RIC8B: variants seen among roughly 807,000 people sequenced by gnomAD.
The protein encoded by RIC8B is chaperone Ric-8B.
A neutral mutation model predicts 57.5 loss-of-function variants in RIC8B; 16 were observed. The observed-to-expected ratio is 0.28, with a 90% CI of 0.19 to 0.42. The LOEUF (loss-of-function observed/expected upper bound fraction) is 0.42. Among genes scored for constraint, RIC8B ranks in the 10% least tolerant of loss-of-function variants. RIC8B has a pLI of 1.00. For synonymous variants in RIC8B, 216 were observed against 250.8 expected, an observed-to-expected ratio of 0.86 and a Z score of 1.31; for missense variants, 481 against 677.0, an observed-to-expected ratio of 0.71 and a Z score of 3.21.
Position 106,851,436 on chromosome 12 carries a change from A to G in RIC8B, c.1162-14A>G, listed in dbSNP as rs554773760. On this transcript the variant is annotated splice_polypyrimidine_tract_variant and intron_variant, in intron 6 of 9. Transcript: ENST00000392837. ...AGCCTCGATTGATGATGGTTTTTGC[A>G]TTTGTGCCATCAGGTTTTACCACCG... is the stretch of plus-strand genomic sequence containing the variant. 1.5e-5 allele frequency: 24 copies of G among 1,605,894 alleles called. No individual in the cohort carries two copies. The highest frequency in any genetic ancestry group is 1.9e-5 in the Non-Finnish European group (22 of 1,177,478).
intron 3 of RIC8B, among the ~76,000 whole-genome samples, chr12:106,824,635 C>T (rs562469306): frequency 4.0e-4 from 61 of 152,200 alleles, no homozygotes; most frequent in African/African-American, 1.4e-3. Context: ...GTGGCTGGCA[C>T]CTGTAATGCC....
chr12:106,824,888 CAAG>C (rs2046024735), intron 3 of RIC8B, among the ~76,000 whole-genome samples: 1 of 150,708 alleles, frequency 6.6e-6, no homozygotes, highest in Non-Finnish European at 1.5e-5. Flanking sequence ...GCCTAGGCGA[CAAG>C]AGCAAAACTC....
At chr12:106,803,215 C>CAAAAAAAAAAAAAAAAAAAAA (rs55853235) in intron 2 of RIC8B, among the ~76,000 whole-genome samples, 2 of 84,000 alleles carry the variant, frequency 2.4e-5, no homozygotes, top group African/African-American at 9.9e-5. Flanking sequence ...TACCCTGTCT[C>CAAAAAAAAAAAAAAAAAAAAA]AAAAAAAAAA....
At chr12:106,800,901 A>C (rs2044702191) in intron 2 of RIC8B, among the ~76,000 whole-genome samples, 1 of 152,190 alleles carries the variant, frequency 6.6e-6, no homozygotes, top group African/African-American at 2.4e-5. Context: ...TATGAGGTAT[A>C]TGTTATTGTG....
chr12:106,844,305 T>C (rs910734615), intron 6 of RIC8B, among the ~76,000 whole-genome samples: 5 of 152,172 alleles, frequency 3.3e-5, no homozygotes, highest in African/African-American at 1.2e-4. Flanking sequence ...GGAGACACTT[T>C]AAGGGAACAA....
At position 106,887,294 on chromosome 12, in the gene RIC8B, CTGTG is replaced by C. The variant is rs754772882; in HGVS notation, c.*1285_*1288del. The C allele has an allele frequency of 6.6e-6, 1 of 152,538 alleles. No individual in the cohort carries two copies. Among genetic ancestry groups the C allele is most frequent in the Non-Finnish European group, 1.5e-5 (1 of 68,012 alleles). The allele number at this position is 152,538 out of a possible 1,614,324, so 9.4% of individuals were successfully genotyped here. ...ATTGGGGTTGATTCAATTTGGCCAT[CTGTG>C]TGTGTTTCTTTATAGATACATGGGC... On this transcript the variant is annotated 3_prime_UTR_variant, in exon 10 of 10. Transcript: ENST00000392837.
intron 6 of RIC8B, among the ~76,000 whole-genome samples, chr12:106,849,249 A>G (rs1949350261): frequency 6.6e-6 from 1 of 151,830 alleles, no homozygotes; most frequent in Non-Finnish European, 1.5e-5. Context: ...CCTACTATGT[A>G]CCCACAACAA....
At chr12:106,783,877 A>G in intron 1 of RIC8B, 120 bp from the exon 2 acceptor site, 1 of 771,030 alleles carries the variant, frequency 1.3e-6, no homozygotes, top group Non-Finnish European at 2.2e-6. Flanking sequence ...TAATAAGAAT[A>G]TTGAGATACG....
At chr12:106,857,379 C>T (rs570922338) in intron 7 of RIC8B, among the ~76,000 whole-genome samples, 60 of 152,044 alleles carry the variant, frequency 3.9e-4, no homozygotes, top group Non-Finnish European at 8.1e-4. Flanking sequence ...AGAGCAAAAA[C>T]GTATTGCTTT....
intron 2 of RIC8B, among the ~76,000 whole-genome samples, chr12:106,803,215 C>CAA (rs55853235): frequency 1.1e-3 from 89 of 83,308 alleles, no homozygotes; most frequent in African/African-American, 1.6e-3. Context: ...TACCCTGTCT[C>CAA]AAAAAAAAAA....
intron 8 of RIC8B, among the ~76,000 whole-genome samples, chr12:106,860,951 T>G (rs1011369145): frequency 2.0e-5 from 3 of 151,188 alleles, no homozygotes; most frequent in African/African-American, 7.3e-5. Context: ...ACAGATACAT[T>G]AGTGCAATGA....
At chr12:106,788,745 A>C (rs1399058972) in intron 2 of RIC8B, among the ~76,000 whole-genome samples, 2 of 152,162 alleles carry the variant, frequency 1.3e-5, no homozygotes, top group African/African-American at 4.8e-5. Context: ...GCACACAGCC[A>C]GGGACACTGG....
intron 9 of RIC8B, among the ~76,000 whole-genome samples, chr12:106,885,013 T>G (rs1252521755): frequency 6.6e-6 from 1 of 152,176 alleles, no homozygotes; most frequent in Non-Finnish European, 1.5e-5. Context: ...AGGCCACTCT[T>G]AAGTACACTG....
intron 3 of RIC8B, among the ~76,000 whole-genome samples, chr12:106,821,860 C>T (rs977541080): frequency 5.3e-5 from 8 of 151,892 alleles, no homozygotes; most frequent in Non-Finnish European, 1.0e-4. Context: ...AGGCAGATCA[C>T]GAGGTCAGGA....
At chr12:106,784,476 T>C (rs528171938) in intron 2 of RIC8B, among the ~76,000 whole-genome samples, 2 of 152,352 alleles carry the variant, frequency 1.3e-5, no homozygotes, top group South Asian at 2.1e-4. Context: ...GCAGTCCTCC[T>C]GCCTCAGCCT....
At chr12:106,865,034 ACACCTTTTGGTTGT>A in intron 8 of RIC8B, among the ~76,000 whole-genome samples, 1 of 152,314 alleles carries the variant, frequency 6.6e-6, no homozygotes, top group East Asian at 1.9e-4. Context: ...CATTACATAT[ACACCTTTTGGTTGT>A]TGTGAATAAT....
chr12:106,842,550 A>G (rs770536112), intron 4 of RIC8B, 39 bp from the exon 5 acceptor site: 2 of 1,498,010 alleles, frequency 1.3e-6, no homozygotes, highest in African/African-American at 1.4e-5. Context: ...GGACTATTCA[A>G]TCAAGTTAAA....
At chr12:106,860,832 GC>G (rs1949900643) in intron 8 of RIC8B, among the ~76,000 whole-genome samples, 1 of 152,046 alleles carries the variant, frequency 6.6e-6, no homozygotes, top group African/African-American at 2.4e-5. Flanking sequence ...TTGCATAAAA[GC>G]CCTTATAAGT....
At chr12:106,799,899 G>A (rs2136224911) in intron 2 of RIC8B, among the ~76,000 whole-genome samples, 2 of 152,152 alleles carry the variant, frequency 1.3e-5, no homozygotes, top group South Asian at 4.2e-4. Flanking sequence ...AGACTGTATG[G>A]CTTAAAGGAC....
Sources: allele counts gnomAD v4.1 joint callset (sites outside exome capture counted in the v4.1 genomes callset), GRCh38; gene constraint gnomAD v4.1.1; transcripts MANE v1.5; gene names NCBI Gene and HGNC (gene_info 2026-07-23, HGNC 2026-07-21).